The following RAD51B variants were observed in gnomAD, a reference collection of about 807,000 sequenced individuals.
RAD51B encodes the protein DNA repair protein RAD51 homolog 2.
RAD51B carries 38 observed loss-of-function variants against 42.2 expected under a neutral mutation model. That is an observed-to-expected ratio of 0.90 (90% confidence interval 0.70 to 1.18). The LOEUF is 1.18. Among genes scored for constraint, RAD51B ranks in the 50% most tolerant of loss-of-function variants. The pLI, the probability that RAD51B is intolerant of heterozygous loss-of-function variation, is 0.00. For missense variants in RAD51B, 373 were observed against 400.7 expected (o/e 0.93, Z 0.59); for synonymous variants, 154 against 145.2 (o/e 1.06, Z -0.43).
At chr14:68,274,795 G>A (rs944755218) in intron 7 of RAD51B, among the ~76,000 whole-genome samples, 12 of 152,120 alleles carry the variant, frequency 7.9e-5, no homozygotes, top group East Asian at 1.9e-4. Flanking sequence ...TCTTCACCAC[G>A]TCCTTTTAAC....
chr14:68,327,037 A>T (rs916113129), intron 8 of RAD51B, among the ~76,000 whole-genome samples: 1 of 152,176 alleles, frequency 6.6e-6, no homozygotes, highest in African/African-American at 2.4e-5. Flanking sequence ...TGTGACACAC[A>T]CAGGCCAGGT....
chr14:68,662,264 G>A (rs1441858557), intron 11 of RAD51B, among the ~76,000 whole-genome samples: 1 of 152,228 alleles, frequency 6.6e-6, no homozygotes, highest in Non-Finnish European at 1.5e-5. Context: ...TTTCACACCT[G>A]CCCCATCCCG....
intron 8 of RAD51B, among the ~76,000 whole-genome samples, chr14:68,396,404 T>G (rs925989703): frequency 1.8e-4 from 28 of 152,208 alleles, no homozygotes; most frequent in African/African-American, 6.8e-4. Flanking sequence ...ATTTTTTCAT[T>G]GCAGAGTGAA....
At chr14:67,975,263 TTC>T (rs1484674521) in intron 7 of RAD51B, among the ~76,000 whole-genome samples, 36 of 152,342 alleles carry the variant, frequency 2.4e-4, no homozygotes, top group African/African-American at 8.2e-4. Context: ...CTCCACCATC[TTC>T]TTTGCTGGCT....
intron 4 of RAD51B, among the ~76,000 whole-genome samples, chr14:67,858,243 G>A (rs2042059846): frequency 6.6e-6 from 1 of 152,202 alleles, no homozygotes; most frequent in Non-Finnish European, 1.5e-5. Flanking sequence ...GCACTTGGTG[G>A]GTCCCTGTCT....
intron 7 of RAD51B, among the ~76,000 whole-genome samples, chr14:67,919,086 A>G (rs2044243428): frequency 6.6e-6 from 1 of 152,202 alleles, no homozygotes; most frequent in Non-Finnish European, 1.5e-5. Flanking sequence ...ACTCCAGGGA[A>G]GATGTCTGTA....
At position 68,489,121 on chromosome 14, in the gene RAD51B, C is replaced by CT. The variant is rs35218008; in HGVS notation, c.1036+20884dup. ...GGCGCACGCCACCACGCCTGGCTAA[C>CT]TTTTTTTTTTTTTATTAAATTTTTC... On this transcript the variant is annotated intron_variant, in intron 10 of 10. Coordinates refer to the RAD51B transcript ENST00000487270. Among the ~76,000 whole-genome samples the CT allele has an allele frequency of 2.7e-3, 394 of 146,204 alleles. 4 individuals carry two copies. In the South Asian group the frequency reaches 0.034, roughly 13 times the overall value.
chr14:68,647,374 C>T (rs1892583780), intron 10 of RAD51B, among the ~76,000 whole-genome samples: 1 of 152,088 alleles, frequency 6.6e-6, no homozygotes, highest in Non-Finnish European at 1.5e-5. Context: ...CCATTTTGTG[C>T]CATTAAGAAT....
intron 10 of RAD51B, among the ~76,000 whole-genome samples, chr14:68,544,885 G>A (rs1011198965): frequency 6.6e-6 from 1 of 152,134 alleles, no homozygotes; most frequent in Non-Finnish European, 1.5e-5. Flanking sequence ...AAGAAGGCAG[G>A]GACTCCAAAT....
intron 8 of RAD51B, among the ~76,000 whole-genome samples, chr14:68,310,759 C>T (rs1375889210): frequency 1.3e-5 from 2 of 152,110 alleles, no homozygotes; most frequent in Non-Finnish European, 2.9e-5. Flanking sequence ...GCAGGAGAAT[C>T]ACTTGAACCT....
chr14:68,371,422 G>A (rs2083261597), intron 8 of RAD51B, among the ~76,000 whole-genome samples: 1 of 152,192 alleles, frequency 6.6e-6, no homozygotes, highest in African/African-American at 2.4e-5. Flanking sequence ...GGAGGCTGAG[G>A]CAGAAGAATT....
intron 7 of RAD51B, among the ~76,000 whole-genome samples, chr14:68,174,158 C>T (rs1022430304): frequency 6.6e-6 from 1 of 152,164 alleles, no homozygotes; most frequent in Non-Finnish European, 1.5e-5. Context: ...TGTTCAGACT[C>T]TAGTGGAGGT....
chr14:67,962,701 T>G (rs1447418497), intron 7 of RAD51B, among the ~76,000 whole-genome samples: 1 of 152,142 alleles, frequency 6.6e-6, no homozygotes, highest in Non-Finnish European at 1.5e-5. Flanking sequence ...AAGAACTAAT[T>G]GTTGAAATTT....
intron 9 of RAD51B, among the ~76,000 whole-genome samples, chr14:68,448,108 G>C (rs2085464886): frequency 6.6e-6 from 1 of 152,204 alleles, no homozygotes; most frequent in Non-Finnish European, 1.5e-5. Context: ...TACTGAGGAG[G>C]ACCTTCCAAA....
intron 11 of RAD51B, among the ~76,000 whole-genome samples, chr14:68,681,844 T>A (rs1169926646): frequency 6.6e-6 from 1 of 152,168 alleles, no homozygotes; most frequent in Non-Finnish European, 1.5e-5. Context: ...TCTTTAATTG[T>A]CAAGAATGCA....
chr14:68,360,967 G>T (rs1334292520), intron 8 of RAD51B, among the ~76,000 whole-genome samples: 1 of 152,204 alleles, frequency 6.6e-6, no homozygotes, highest in South Asian at 2.1e-4. Context: ...CTCCAGGTAG[G>T]GGGTAGGACC....
At chr14:68,360,824 A>G (rs1017411077) in intron 8 of RAD51B, among the ~76,000 whole-genome samples, 2 of 152,222 alleles carry the variant, frequency 1.3e-5, no homozygotes, top group Admixed American at 1.3e-4. Flanking sequence ...CTTTGGTCTG[A>G]GGAAGAATGG....
intron 7 of RAD51B, among the ~76,000 whole-genome samples, chr14:68,286,029 C>A (rs190359363): frequency 6.6e-5 from 10 of 152,304 alleles, no homozygotes; most frequent in Middle Eastern, 3.4e-3. Flanking sequence ...AGTGTAGCAT[C>A]TTGACCATCT....
chr14:67,921,917 G>A (rs768866910), intron 7 of RAD51B, among the ~76,000 whole-genome samples: 6 of 152,176 alleles, frequency 3.9e-5, no homozygotes, highest in African/African-American at 1.4e-4. Flanking sequence ...GCTCTGCGAT[G>A]GGATGGCATC....
Sources: allele counts gnomAD v4.1 joint callset (sites outside exome capture counted in the v4.1 genomes callset), GRCh38; gene constraint gnomAD v4.1.1; transcripts MANE v1.5; gene names NCBI Gene and HGNC (gene_info 2026-07-23, HGNC 2026-07-21).